The following TRAF3 variants were observed in gnomAD, a reference collection of about 807,000 sequenced individuals.
TRAF3 encodes TNF receptor-associated factor 3.
A neutral mutation model predicts 62.3 loss-of-function variants in TRAF3; 13 were observed. The ratio of observed to expected loss-of-function variants is 0.21; its 90% CI spans 0.14 to 0.33. The LOEUF (loss-of-function observed/expected upper bound fraction) is 0.33. Among genes scored for constraint, TRAF3 ranks in the 10% least tolerant of loss-of-function variants. The pLI is 1.00. For synonymous variants in TRAF3, 269 were observed against 283.4 expected (o/e 0.95, Z 0.51); for missense variants, 440 against 741.8 (o/e 0.59, Z 4.73).
intron 1 of TRAF3, among the ~76,000 whole-genome samples, chr14:102,784,587 G>A (rs193296150): frequency 1.3e-4 from 20 of 152,268 alleles, no homozygotes; most frequent in African/African-American, 2.6e-4. Context: ...CACTTTCTTT[G>A]AGAACTTTCT....
intron 2 of TRAF3, among the ~76,000 whole-genome samples, chr14:102,839,903 A>G (rs1886274135): frequency 6.6e-6 from 1 of 152,206 alleles, no homozygotes; most frequent in Non-Finnish European, 1.5e-5. Context: ...TTCACATCGA[A>G]GTAATCTCTT....
chr14:102,786,131 GGTCT>G (rs1897491285), intron 1 of TRAF3, among the ~76,000 whole-genome samples: 1 of 152,102 alleles, frequency 6.6e-6, no homozygotes, highest in Non-Finnish European at 1.5e-5. Flanking sequence ...TTTGAATTCT[GGTCT>G]GTCCTTCAGC....
chr14:102,844,715 T>C (rs1886588485), intron 2 of TRAF3, among the ~76,000 whole-genome samples: 1 of 152,260 alleles, frequency 6.6e-6, no homozygotes, highest in South Asian at 2.1e-4. Context: ...ATGAATTCTT[T>C]ATTCAAAATT....
intron 1 of TRAF3, among the ~76,000 whole-genome samples, chr14:102,814,130 A>G (rs1460923028): frequency 6.6e-6 from 1 of 152,200 alleles, no homozygotes; most frequent in African/African-American, 2.4e-5. Flanking sequence ...TCTTCTGCAT[A>G]TGGATATTTA....
At chr14:102,845,505 AAAT>A (rs1173552041) in intron 2 of TRAF3, among the ~76,000 whole-genome samples, 3 of 137,502 alleles carry the variant, frequency 2.2e-5, no homozygotes, top group Non-Finnish European at 4.5e-5. Flanking sequence ...CCCAGCCTAA[AAAT>A]AAAAAAAAAA....
intron 7 of TRAF3, among the ~76,000 whole-genome samples, chr14:102,889,102 G>A (rs1760378750): frequency 1.3e-5 from 2 of 152,206 alleles, no homozygotes; most frequent in Admixed American, 1.3e-4. Context: ...ATGAGTAATG[G>A]TACATTGTGT....
chr14:102,827,543 C>T (rs935500953), intron 1 of TRAF3, among the ~76,000 whole-genome samples: 4 of 152,132 alleles, frequency 2.6e-5, no homozygotes, highest in African/African-American at 7.2e-5. Flanking sequence ...GACTGTGACC[C>T]GTCACGTGAG....
chr14:102,866,288 A>G (rs2139807935), intron 2 of TRAF3, among the ~76,000 whole-genome samples: 1 of 152,316 alleles, frequency 6.6e-6, no homozygotes, highest in Non-Finnish European at 1.5e-5. Flanking sequence ...GAGGGTGGGG[A>G]TAGCATTAGG....
intron 2 of TRAF3, among the ~76,000 whole-genome samples, chr14:102,844,585 G>A (rs1886580887): frequency 6.6e-6 from 1 of 152,150 alleles, no homozygotes; most frequent in Non-Finnish European, 1.5e-5. Context: ...TGGAAGCTGT[G>A]GACTGAGCTG....
In TRAF3 at chr14:102,903,791, C is replaced by T. The variant is rs1241179667; in HGVS notation, c.1135+362C>T. On this transcript the variant is annotated intron_variant, in intron 11 of 11. Coordinates refer to ENST00000392745, the MANE Select transcript of TRAF3 (RefSeq NM_145725.3). This position sits in a 1 kb window ranked among gnomAD's most constrained non-coding sequence, Gnocchi z 6.4. ...GACCTGCTGGTCGGGGCGCCCCAGA[C>T]CCCACTCCTAAGGGCCAGGGGGCAG... 1 of 483,964 alleles carries T rather than the reference C, an allele frequency of 2.1e-6. No homozygotes were observed. The highest frequency in any genetic ancestry group is 3.1e-4 in the Middle Eastern group (1 of 3,222). 30.0% of individuals were successfully genotyped at this position (483,964 alleles called of 1,614,324 possible).
At chr14:102,874,388 C>T (rs1354873098) in intron 4 of TRAF3, among the ~76,000 whole-genome samples, 1 of 152,168 alleles carries the variant, frequency 6.6e-6, no homozygotes, top group East Asian at 1.9e-4. Context: ...TCCCGAGTAG[C>T]TGGGACTACA....
intron 2 of TRAF3, among the ~76,000 whole-genome samples, chr14:102,840,912 A>G (rs1297680084): frequency 2.0e-5 from 3 of 152,212 alleles, no homozygotes; most frequent in Non-Finnish European, 2.9e-5. Flanking sequence ...CTTATACCCC[A>G]CAGCATGAGA....
intron 6 of TRAF3, among the ~76,000 whole-genome samples, chr14:102,880,619 A>G (rs1888994988): frequency 6.6e-6 from 1 of 152,246 alleles, no homozygotes; most frequent in East Asian, 1.9e-4. Context: ...TATATACCCA[A>G]AGGAATATAA....
chr14:102,819,335 A>T (rs1388968100), intron 1 of TRAF3, among the ~76,000 whole-genome samples: 2 of 151,820 alleles, frequency 1.3e-5, no homozygotes, highest in African/African-American at 4.8e-5. Flanking sequence ...GCCCGCACCC[A>T]CCACCAGCCA....
chr14:102,888,419 G>A (rs535049860), intron 7 of TRAF3, among the ~76,000 whole-genome samples: 1 of 152,112 alleles, frequency 6.6e-6, no homozygotes, highest in African/African-American at 2.4e-5. Context: ...GTCCCTTCCC[G>A]CAGTGTCCCT....
chr14:102,788,442 A>T (rs941975725), intron 1 of TRAF3, among the ~76,000 whole-genome samples: 10 of 152,054 alleles, frequency 6.6e-5, no homozygotes, highest in African/African-American at 1.7e-4. Context: ...TGGGAGGATC[A>T]CTTGAGTCCA....
chr14:102,886,455 G>T (rs905474643), intron 7 of TRAF3, among the ~76,000 whole-genome samples, 186 bp downstream of exon 7: 1 of 152,092 alleles, frequency 6.6e-6, no homozygotes, highest in Admixed American at 6.5e-5. Context: ...AAGCATTAGG[G>T]TTAAAAGCTA....
intron 1 of TRAF3, among the ~76,000 whole-genome samples, 153 bp from the exon 2 acceptor site, chr14:102,830,181 C>A (rs912328947): frequency 6.6e-6 from 1 of 152,192 alleles, no homozygotes; most frequent in African/African-American, 2.4e-5. Context: ...CTGTAGAATT[C>A]ATTCTCTTTG....
intron 7 of TRAF3, among the ~76,000 whole-genome samples, chr14:102,888,480 C>T (rs1406266861): frequency 6.6e-6 from 1 of 152,178 alleles, no homozygotes; most frequent in Non-Finnish European, 1.5e-5. Flanking sequence ...TGTAAATATC[C>T]ACCTAGAGGG....
Sources: allele counts gnomAD v4.1 joint callset (sites outside exome capture counted in the v4.1 genomes callset), GRCh38; gene constraint gnomAD v4.1.1; non-coding constraint Gnocchi (gnomAD v3.1); transcripts MANE v1.5; gene names NCBI Gene and HGNC (gene_info 2026-07-23, HGNC 2026-07-21).